The following NOMO3 variants were observed in gnomAD, a reference collection of about 807,000 sequenced individuals.
NOMO3 encodes NODAL modulator 3.
In NOMO3, 15 loss-of-function variants were observed where a neutral mutation model predicts 69.9. That is an observed-to-expected ratio of 0.21 (90% CI 0.14 to 0.33). The LOEUF (loss-of-function observed/expected upper bound fraction) is 0.33, where lower values mean the gene tolerates loss of function less well. Among genes scored for constraint, NOMO3 ranks in the 10% least tolerant of loss-of-function variants. The probability of loss-of-function intolerance (pLI) is 1.00; values close to 1 mark genes in which losing one functional copy is unlikely to be tolerated. For missense variants in NOMO3, 218 were observed against 761.0 expected, an observed-to-expected ratio of 0.29 and a Z score of 8.39; for synonymous variants, 89 against 301.9, an observed-to-expected ratio of 0.29 and a Z score of 7.31.
At chr16:16,236,713 C>T (rs2049329601) in intron 1 of NOMO3, among the ~76,000 whole-genome samples, 188 bp from the exon 2 acceptor site, 1 of 144,346 alleles carries the variant, frequency 6.9e-6, no homozygotes, top group South Asian at 2.2e-4. Flanking sequence ...ATCTGAAAAA[C>T]ATTGAGTCAC....
chr16:16,255,297 C>T (rs62032168), intron 9 of NOMO3, among the ~76,000 whole-genome samples: 7,265 of 140,402 alleles, frequency 0.052, 593 homozygotes, highest in Middle Eastern at 0.12. Context: ...GTGGAATCCA[C>T]AGGACTGATC....
Position 16,261,287 on chromosome 16 carries a change from A to G in NOMO3, c.1221-215A>G. ...CTACGGGCCCCTGTTCTGTAGAAAG[A>G]TGCCCAGTCTTGCTTCTGAAGGTTG... On this transcript the variant is annotated intron_variant, in intron 11 of 30. Coordinates refer to ENST00000399336, the MANE Select transcript of NOMO3 (RefSeq NM_001004067.4). The G allele has an allele frequency of 5.3e-6, 3 of 570,936 alleles. No homozygotes were observed. In the Admixed American group the frequency reaches 9.5e-5, roughly 18 times the overall value. 35.4% of individuals were successfully genotyped at this position (570,936 alleles called of 1,614,324 possible). A position where few individuals can be genotyped will look rare whatever the true frequency, so the allele number is the denominator to read the frequency against.
chr16:16,235,274 T>C (rs1269753432), intron 1 of NOMO3, among the ~76,000 whole-genome samples: 2 of 150,868 alleles, frequency 1.3e-5, no homozygotes, highest in South Asian at 2.1e-4. Context: ...GCGGCTCGTG[T>C]CATGGTTTGT....
In NOMO3 at chr16:16,232,659, G is replaced by A. The variant is rs2049291165; in HGVS notation, c.-8G>A. 1 of 690,346 alleles carries A rather than the reference G, an allele frequency of 1.4e-6. No individual in the cohort carries two copies. The highest frequency in any genetic ancestry group is 2.0e-6 in the Non-Finnish European group (1 of 505,686). The allele number at this position is 690,346 out of a possible 1,614,324, so 42.8% of individuals were successfully genotyped here. On this transcript the variant is annotated 5_prime_UTR_variant, in exon 1 of 31. Transcript: ENST00000399336. ...CCGGCGGTGGGTCTAGCTGGGGGAG[G>A]TCGGGCCATGCTGGTGGGCCAGGGC...
rs548133222 is a variant in NOMO3, at chr16:16,268,503, G to A, written c.1894+1372G>A. 8.3e-5 allele frequency among the ~76,000 whole-genome samples: 12 copies of A among 143,882 alleles called. 1 individual carries two copies. Among genetic ancestry groups the A allele is most frequent in the South Asian group, 2.2e-4 (1 of 4,582 alleles). 94.4% of individuals were successfully genotyped at this position (143,882 alleles called of 152,430 possible). A position where few individuals can be genotyped will look rare whatever the true frequency, so the allele number is the denominator to read the frequency against. On this transcript the variant is annotated intron_variant, in intron 16 of 30. Transcript: ENST00000399336. ...TAATGAATAATTCAGTGGCTCCTCC[G>A]TTTGGTTCCCAAGATAAAATACAAA...
intron 3 of NOMO3, among the ~76,000 whole-genome samples, chr16:16,240,861 T>C (rs1043350745): frequency 2.1e-5 from 3 of 142,592 alleles, no homozygotes; most frequent in African/African-American, 8.7e-5. Flanking sequence ...AGCAGCTCTT[T>C]TATCAGTTTA....
intron 16 of NOMO3, among the ~76,000 whole-genome samples, chr16:16,268,859 C>G (rs1404971035): frequency 7.0e-6 from 1 of 143,770 alleles, no homozygotes; most frequent in Non-Finnish European, 1.5e-5. Context: ...AAGGAGAGGG[C>G]AGGCAAACAT....
intron 9 of NOMO3, among the ~76,000 whole-genome samples, chr16:16,254,813 C>A (rs1050434496): frequency 6.9e-6 from 1 of 145,072 alleles, no homozygotes; most frequent in African/African-American, 2.8e-5. Context: ...GCAGAGAAAG[C>A]ACAGCTGTGC....
Position 16,250,010 on chromosome 16 carries a change from C to G in NOMO3, c.583-918C>G, listed in dbSNP as rs1364513246. On this transcript the variant is annotated intron_variant, in intron 6 of 30. Coordinates refer to ENST00000399336, the MANE Select transcript of NOMO3 (RefSeq NM_001004067.4). The stretch of plus-strand genomic sequence containing the variant: ...AACAATTTGTCAATTGGGCAGCTCC[C>G]TGAGCCAGAATAGGTTTACAGCGAC... 5.1e-5 allele frequency among the ~76,000 whole-genome samples: 7 copies of G among 137,072 alleles called. 1 individual carries two copies. In the East Asian group the frequency reaches 1.3e-3, roughly 25 times the overall value. The allele number at this position is 137,072 out of a possible 152,430, so 89.9% of individuals were successfully genotyped here.
At chr16:16,272,102 C>G (rs1446362316) in intron 18 of NOMO3, among the ~76,000 whole-genome samples, 3 of 131,870 alleles carry the variant, frequency 2.3e-5, no homozygotes, top group Non-Finnish European at 4.7e-5. Flanking sequence ...TTTACTGTCT[C>G]CCTGCTTGGA....
At chr16:16,261,394 A>T (rs981722345) in intron 11 of NOMO3, 108 bp from the exon 12 acceptor site, 3 of 1,455,386 alleles carry the variant, frequency 2.1e-6, no homozygotes, top group East Asian at 2.6e-5. Flanking sequence ...AGATTAGACT[A>T]TTCTCAGGAA....
chr16:16,259,455 T>A, intron 11 of NOMO3, among the ~76,000 whole-genome samples: 1 of 138,406 alleles, frequency 7.2e-6, no homozygotes, highest in East Asian at 2.4e-4. Context: ...TTCAAGTGAT[T>A]CTCCTGCCCC....
chr16:16,268,453 A>G (rs1288990878), intron 16 of NOMO3, among the ~76,000 whole-genome samples: 1 of 143,606 alleles, frequency 7.0e-6, no homozygotes, highest in African/African-American at 2.9e-5. Context: ...GTCGTGTCTC[A>G]TTGTGGTTTT....
intron 11 of NOMO3, among the ~76,000 whole-genome samples, chr16:16,256,575 C>T (rs1380749421): frequency 8.3e-5 from 2 of 24,134 alleles, no homozygotes; most frequent in Non-Finnish European, 1.4e-4. Context: ...ACACTGCACC[C>T]GGCCAAGAAA....
chr16:16,245,438 C>T (rs2049409144), intron 5 of NOMO3, among the ~76,000 whole-genome samples: 1 of 144,360 alleles, frequency 6.9e-6, no homozygotes, highest in Admixed American at 6.7e-5. Flanking sequence ...CCTATAATGC[C>T]AGCACTTTGG....
chr16:16,266,387 C>CTT (rs59189620), intron 15 of NOMO3, among the ~76,000 whole-genome samples: 3 of 96,952 alleles, frequency 3.1e-5, no homozygotes, highest in African/African-American at 4.7e-5. Flanking sequence ...TAATAAGATC[C>CTT]TTTTTTTTTT....
At chr16:16,245,534 T>A (rs1427602982) in intron 5 of NOMO3, among the ~76,000 whole-genome samples, 3 of 140,058 alleles carry the variant, frequency 2.1e-5, no homozygotes, top group Non-Finnish European at 4.5e-5. Flanking sequence ...ACAAATAATT[T>A]AAAAAATTAT....
chr16:16,266,099 T>G (rs2049616985), intron 15 of NOMO3, among the ~76,000 whole-genome samples: 1 of 141,948 alleles, frequency 7.0e-6, no homozygotes, highest in Non-Finnish European at 1.5e-5. Context: ...TGAAATGGGT[T>G]TCAGGAGCAC....
chr16:16,260,491 G>A (rs1359603589), intron 11 of NOMO3, among the ~76,000 whole-genome samples: 1 of 142,396 alleles, frequency 7.0e-6, no homozygotes, highest in Non-Finnish European at 1.5e-5. Context: ...TGAAGAAATG[G>A]CTGTGTTTTT....
Sources: allele counts gnomAD v4.1 joint callset (sites outside exome capture counted in the v4.1 genomes callset), GRCh38; gene constraint gnomAD v4.1.1; transcripts MANE v1.5; gene names NCBI Gene and HGNC (gene_info 2026-07-23, HGNC 2026-07-21).